GLI3: variants seen among roughly 807,000 people sequenced by gnomAD.
GLI3 encodes GLI family zinc finger 3, also known as transcription activator GLI3.
A neutral mutation model predicts 100.8 loss-of-function variants in GLI3; 20 were observed. The ratio of observed to expected loss-of-function variants is 0.20; its 90% CI spans 0.14 to 0.29. The LOEUF (loss-of-function observed/expected upper bound fraction) is 0.29. GLI3 is among the 10% of genes least tolerant of loss of function. GLI3 has a pLI of 1.00. For synonymous variants in GLI3, 938 were observed against 860.5 expected (o/e 1.09, Z -1.58); for missense variants, 2,040 against 2,128.5 (o/e 0.96, Z 0.82).
At chr7:41,980,747 A>T (rs1787641481) in intron 10 of GLI3, among the ~76,000 whole-genome samples, 1 of 152,200 alleles carries the variant, frequency 6.6e-6, no homozygotes, top group Non-Finnish European at 1.5e-5. Context: ...CAACTGCTTA[A>T]GGTTGGATCC....
intron 1 of GLI3, among the ~76,000 whole-genome samples, chr7:42,257,619 C>T (rs1789098570): frequency 1.3e-5 from 2 of 152,142 alleles, no homozygotes; most frequent in Admixed American, 6.5e-5. Context: ...GCTGGGATTA[C>T]AGGCATGAGC....
At chr7:42,113,869 G>A (rs1785778973) in intron 3 of GLI3, among the ~76,000 whole-genome samples, 1 of 152,168 alleles carries the variant, frequency 6.6e-6, no homozygotes, top group Admixed American at 6.5e-5. Context: ...CTTCCTCTTG[G>A]CTCCCAGGAG....
At chr7:42,078,552 T>C (rs973775748) in intron 3 of GLI3, among the ~76,000 whole-genome samples, 9 of 152,094 alleles carry the variant, frequency 5.9e-5, no homozygotes, top group Non-Finnish European at 1.3e-4. Context: ...GAAATGTCAA[T>C]GACTCACCGT....
upstream of GLI3, among the ~76,000 whole-genome samples, chr7:42,239,404 A>G (rs1370021728): frequency 6.6e-6 from 1 of 152,224 alleles, no homozygotes; most frequent in African/African-American, 2.4e-5. Context: ...ACAAGTGTGT[A>G]AGAATTATGC....
At chr7:42,053,276 C>T (rs191486342) in intron 4 of GLI3, among the ~76,000 whole-genome samples, 4 of 152,324 alleles carry the variant, frequency 2.6e-5, no homozygotes, top group Admixed American at 1.3e-4. Context: ...GGATTACAGG[C>T]GTGAGCCATG....
At chr7:42,005,322 G>T (rs1482869474) in intron 10 of GLI3, among the ~76,000 whole-genome samples, 1 of 151,912 alleles carries the variant, frequency 6.6e-6, no homozygotes, top group Non-Finnish European at 1.5e-5. Flanking sequence ...TCTCTTTAAG[G>T]GCTCTCTACC....
intron 4 of GLI3, among the ~76,000 whole-genome samples, chr7:42,055,928 G>T (rs1279612919): frequency 6.6e-6 from 1 of 152,088 alleles, no homozygotes; most frequent in Non-Finnish European, 1.5e-5. Flanking sequence ...TGTGTTGTTG[G>T]GGGGAACATG....
chr7:42,047,968 G>C (rs1405752), intron 5 of GLI3, among the ~76,000 whole-genome samples: 96,343 of 151,582 alleles, frequency 0.64, 32,342 homozygotes, highest in African/African-American at 0.87. Flanking sequence ...GCAGAATCAC[G>C]TTTTATCAGG....
intron 4 of GLI3, among the ~76,000 whole-genome samples, chr7:42,053,813 T>TATTTATG (rs776693796): frequency 4.6e-5 from 7 of 152,348 alleles, no homozygotes; most frequent in South Asian, 2.1e-4. Context: ...CATTCCATGC[T>TATTTATG]ATTTATGTTG....
chr7:42,096,062 G>C (rs1367166379), intron 3 of GLI3, among the ~76,000 whole-genome samples: 1 of 152,178 alleles, frequency 6.6e-6, no homozygotes, highest in Admixed American at 6.5e-5. Flanking sequence ...TCCGGAGCCA[G>C]GGTGTGTGCA....
chr7:42,222,993 C>A (rs113910137), intron 2 of GLI3, 137 bp downstream of exon 2: 4 of 1,041,678 alleles, frequency 3.8e-6, no homozygotes, highest in Admixed American at 3.4e-5. Context: ...GCCGTCCCCC[C>A]GCCCCTGCTC....
chr7:42,154,235 A>G (rs562628463), intron 2 of GLI3, among the ~76,000 whole-genome samples: 5 of 152,192 alleles, frequency 3.3e-5, no homozygotes, highest in Non-Finnish European at 7.3e-5. Context: ...ATGGGGAGAC[A>G]CTGGACCCAC....
At chr7:42,069,102 T>C (rs1432481547) in intron 4 of GLI3, among the ~76,000 whole-genome samples, 1 of 152,106 alleles carries the variant, frequency 6.6e-6, no homozygotes, top group East Asian at 1.9e-4. Context: ...TGAACGTGAA[T>C]ACCTCAGTCA....
chr7:42,158,478 G>A (rs1481200806), intron 2 of GLI3, among the ~76,000 whole-genome samples: 1 of 151,704 alleles, frequency 6.6e-6, no homozygotes, highest in African/African-American at 2.4e-5. Flanking sequence ...TGTTCTATCT[G>A]TACATGTGAA....
rs117239089 is a variant in GLI3, at chr7:42,013,851, C to G, written c.1497+9617G>C. Among the ~76,000 whole-genome samples, 5 of 152,116 alleles carry G rather than the reference C, an allele frequency of 3.3e-5. No homozygotes were observed. The East Asian group carries it at 7.7e-4, about 24-fold the overall frequency. ...CTGTTTTAAAGAAAGATAGCAGAAT[C>G]TTAGTACCCTTTGGTAAAGAGCCTG... On this transcript the variant is annotated intron_variant, in intron 10 of 14. Transcript: ENST00000395925.
At chr7:42,138,221 G>C (rs181900436) in intron 3 of GLI3, among the ~76,000 whole-genome samples, 4 of 152,248 alleles carry the variant, frequency 2.6e-5, no homozygotes, top group Middle Eastern at 3.4e-3. Context: ...AGTGAGACTC[G>C]AGGCAGGTCA....
intron 10 of GLI3, among the ~76,000 whole-genome samples, chr7:41,981,187 A>G (rs1026826719): frequency 3.9e-5 from 6 of 152,246 alleles, no homozygotes; most frequent in Non-Finnish European, 7.3e-5. Context: ...AGGGCCACGC[A>G]TGGCAGGAGA....
intron 1 of GLI3, among the ~76,000 whole-genome samples, chr7:42,261,703 T>C (rs989668113): frequency 2.0e-5 from 3 of 152,224 alleles, no homozygotes; most frequent in African/African-American, 7.2e-5. Flanking sequence ...CAGCAAGCCA[T>C]AGACTGCAGG....
chr7:41,999,549 T>G (rs1192088573), intron 10 of GLI3, among the ~76,000 whole-genome samples: 1 of 152,018 alleles, frequency 6.6e-6, no homozygotes, highest in African/African-American at 2.4e-5. Context: ...TTTTACACCT[T>G]TCAGACACCA....
Sources: allele counts gnomAD v4.1 joint callset (sites outside exome capture counted in the v4.1 genomes callset), GRCh38; gene constraint gnomAD v4.1.1; transcripts MANE v1.5; gene names NCBI Gene and HGNC (gene_info 2026-07-23, HGNC 2026-07-21).